The following RAB27A variants were observed in gnomAD, a reference collection of about 807,000 sequenced individuals.
The protein encoded by RAB27A is RAB27A, member RAS oncogene family.
RAB27A carries 17 observed loss-of-function variants against 20.8 expected under a neutral mutation model. That is an observed-to-expected ratio of 0.82 (90% CI 0.56 to 1.23). The LOEUF is 1.23. RAB27A is among the 50% of genes most tolerant of loss of function. The pLI is 0.00. For synonymous variants in RAB27A, 85 were observed against 92.8 expected, an observed-to-expected ratio of 0.92 and a Z score of 0.48; for missense variants, 277 against 266.7, an observed-to-expected ratio of 1.04 and a Z score of -0.27.
upstream of RAB27A, among the ~76,000 whole-genome samples, chr15:55,290,633 T>C (rs961620947): frequency 3.3e-5 from 5 of 152,236 alleles, no homozygotes; most frequent in Non-Finnish European, 7.3e-5. Context: ...ACCCAGCGGC[T>C]CTCTTCTCCC....
chr15:55,308,194 T>A (rs1050077905), intron 2 of RAB27A, among the ~76,000 whole-genome samples: 3 of 152,206 alleles, frequency 2.0e-5, no homozygotes, highest in African/African-American at 7.2e-5. Flanking sequence ...TTCCCTTTCC[T>A]TTCCTTTCTG....
chr15:55,265,143 G>A (rs1470496027), intron 2 of RAB27A, among the ~76,000 whole-genome samples: 1 of 152,198 alleles, frequency 6.6e-6, no homozygotes, highest in African/African-American at 2.4e-5. Context: ...TTGGGAGGCT[G>A]AGGCAGGAGA....
At chr15:55,217,020 A>G (rs1028397600) in intron 6 of RAB27A, among the ~76,000 whole-genome samples, 1 of 151,172 alleles carries the variant, frequency 6.6e-6, no homozygotes, top group Non-Finnish European at 1.5e-5. Context: ...CTAACTTTTC[A>G]AGTTACTCAT....
At chr15:55,236,161 A>G (rs948615758) in intron 2 of RAB27A, among the ~76,000 whole-genome samples, 3 of 137,114 alleles carry the variant, frequency 2.2e-5, no homozygotes, top group African/African-American at 1.0e-4. Context: ...AAACCTATGG[A>G]AATAAAAAAA....
intron 6 of RAB27A, among the ~76,000 whole-genome samples, chr15:55,206,754 G>A (rs746274905): frequency 3.3e-5 from 5 of 152,044 alleles, no homozygotes; most frequent in African/African-American, 1.2e-4. Flanking sequence ...TTATCTTTTT[G>A]ACATTGGAAT....
rs886051308 is a variant in RAB27A at position 55,204,022 on chromosome 15, C to T, written c.*1485G>A. 6.6e-5 allele frequency: 10 copies of T among 152,008 alleles called. No homozygotes were observed. Among genetic ancestry groups the T allele is most frequent in the Non-Finnish European group, 8.8e-5 (6 of 67,984 alleles). The allele number at this position is 152,008 out of a possible 1,614,324, so 9.4% of individuals were successfully genotyped here. A position where few individuals can be genotyped will look rare whatever the true frequency, so the allele number is the denominator to read the frequency against. ...GTAAAGTCTGGGCTTCTAGTGTAAC[C>T]ATCACGCAAATATACTTGTATTTTT... On this transcript the variant is annotated 3_prime_UTR_variant, in exon 7 of 7. Coordinates refer to ENST00000336787, the MANE Select transcript of RAB27A (RefSeq NM_183235.3).
intron 2 of RAB27A, among the ~76,000 whole-genome samples, chr15:55,241,600 T>TTATA (rs58693379): frequency 0.016 from 2,011 of 123,846 alleles, 37 homozygotes; most frequent in African/African-American, 0.02. Context: ...CAAGACCTAT[T>TTATA]TATATATATA....
chr15:55,277,123 G>T (rs575281607), intron 1 of RAB27A, among the ~76,000 whole-genome samples: 1 of 152,124 alleles, frequency 6.6e-6, no homozygotes, highest in Non-Finnish European at 1.5e-5. Context: ...TGGCAGGGGT[G>T]GATGGAGCAA....
intron 2 of RAB27A, among the ~76,000 whole-genome samples, chr15:55,312,387 A>AT (rs1409537414): frequency 6.6e-6 from 1 of 152,124 alleles, no homozygotes; most frequent in African/African-American, 2.4e-5. Context: ...CTGAACATAT[A>AT]TTTTCAATTA....
intron 6 of RAB27A, among the ~76,000 whole-genome samples, chr15:55,211,953 A>G (rs924033434): frequency 7.1e-6 from 1 of 141,404 alleles, no homozygotes; most frequent in Non-Finnish European, 1.5e-5. Flanking sequence ...TTCCTGGACT[A>G]TAACCTTTTT....
chr15:55,304,244 T>C (rs1436818405), intron 2 of RAB27A, among the ~76,000 whole-genome samples: 2 of 151,268 alleles, frequency 1.3e-5, no homozygotes, highest in South Asian at 4.2e-4. Context: ...TGTGCTTTGT[T>C]AAACAGATGC....
chr15:55,310,099 T>C (rs963484140), intron 2 of RAB27A, among the ~76,000 whole-genome samples: 4 of 152,090 alleles, frequency 2.6e-5, no homozygotes, highest in African/African-American at 4.8e-5. Context: ...CTAGAATGTC[T>C]CTCCCTAACA....
intron 2 of RAB27A, among the ~76,000 whole-genome samples, chr15:55,246,510 T>C (rs1896691555): frequency 1.3e-5 from 2 of 151,880 alleles, no homozygotes; most frequent in South Asian, 2.1e-4. Flanking sequence ...AGAATATGAA[T>C]GTTTATAGAG....
At chr15:55,266,179 C>G (rs1897474989) in intron 2 of RAB27A, among the ~76,000 whole-genome samples, 1 of 152,086 alleles carries the variant, frequency 6.6e-6, no homozygotes, top group Non-Finnish European at 1.5e-5. Context: ...GATTAGTGCC[C>G]CTATAAGAAG....
intron 6 of RAB27A, among the ~76,000 whole-genome samples, chr15:55,209,003 A>C (rs74789120): frequency 0.046 from 7,016 of 152,304 alleles, 215 homozygotes; most frequent in Non-Finnish European, 0.07. Flanking sequence ...TTGTATCTGT[A>C]AGAAAATTTT....
At chr15:55,238,344 T>C (rs527653248) in intron 2 of RAB27A, 1 of 152,254 alleles carries the variant, frequency 6.6e-6, no homozygotes, top group East Asian at 1.9e-4. Flanking sequence ...AAATGCACAT[T>C]GGGCTTTAAA....
At chr15:55,254,609 G>A (rs949522370) in intron 2 of RAB27A, among the ~76,000 whole-genome samples, 4 of 152,196 alleles carry the variant, frequency 2.6e-5, no homozygotes, top group African/African-American at 9.6e-5. Flanking sequence ...TTCTGAGACA[G>A]GAAGGAACAG....
chr15:55,205,873 A>C (rs1225388944), intron 6 of RAB27A, among the ~76,000 whole-genome samples, 168 bp from the exon 7 acceptor site: 2 of 152,074 alleles, frequency 1.3e-5, no homozygotes, highest in Non-Finnish European at 2.9e-5. Flanking sequence ...AAATACTCAC[A>C]CTGCATTTCC....
intron 2 of RAB27A, among the ~76,000 whole-genome samples, chr15:55,311,730 G>A (rs572904216): frequency 6.6e-6 from 1 of 152,324 alleles, no homozygotes; most frequent in South Asian, 2.1e-4. Context: ...ATCGTGGCCA[G>A]GTGGTACTGC....
Sources: gnomAD v4.1 joint callset for allele counts (sites outside exome capture counted in the v4.1 genomes callset) on GRCh38, gnomAD v4.1.1 for gene constraint, MANE v1.5 for transcripts, NCBI Gene and HGNC (gene_info 2026-07-23, HGNC 2026-07-21) for gene names.